TTN: variants seen among roughly 807,000 people sequenced by gnomAD.
TTN encodes the protein titin.
Under a neutral mutation model 3,223.0 loss-of-function variants are expected in TTN, and 1,525 were observed. The ratio of observed to expected loss-of-function variants is 0.47; its 90% CI spans 0.45 to 0.49. The LOEUF is 0.49. TTN is among the 20% of genes least tolerant of loss of function. TTN has a pLI of 0.00. For synonymous variants in TTN, 14,094 were observed against 15,161.0 expected, an observed-to-expected ratio of 0.93 and a Z score of 5.17; for missense variants, 40,786 against 43,424.0, an observed-to-expected ratio of 0.94 and a Z score of 5.40.
In TTN at chr2:178,531,100, G is replaced by T. The variant is rs749354699; in HGVS notation, c.105515C>A (p.Ser35172Tyr). 1 of 1,612,942 alleles carries T rather than the reference G, an allele frequency of 6.2e-7. No individual in the cohort carries two copies. Among genetic ancestry groups the T allele is most frequent in the Admixed American group, 1.7e-5 (1 of 60,016 alleles). Residue 35172 changes from serine to tyrosine, a missense_variant, in exon 358 of 363, where the codon TCT becomes TAT. By Grantham distance (144) the Ser-to-Tyr change is moderately radical (BLOSUM62 -2). Transcript: ENST00000589042. Reference protein sequence around the residue: ...WLRKGQVLSTSARHQVTTTKY... With the variant: ...WLRKGQVLSTYARHQVTTTKY... ...TGTGGTGGTCACTTGGTGGCGGGCAGAAGTACTTAGCACTTGTCCTTTACG... is the reference window on the plus strand; with the variant it reads ...TGTGGTGGTCACTTGGTGGCGGGCATAAGTACTTAGCACTTGTCCTTTACG...
At chr2:178,751,878 G>C in intron 47 of TTN, 2 of 1,605,578 alleles carry the variant, frequency 1.2e-6, no homozygotes, top group Non-Finnish European at 1.7e-6. Flanking sequence ...GTAAGTTTCT[G>C]GGTAAAAGAA....
At chr2:178,749,945 T>A (rs369713134) in intron 47 of TTN, 1 of 1,613,098 alleles carries the variant, frequency 6.2e-7, no homozygotes, top group East Asian at 2.2e-5. Context: ...ATTAGTAATA[T>A]CAGACAAAAA....
At position 178,686,113 on chromosome 2, in the gene TTN, A is replaced by ATTTTTTTTTTT. The variant is rs765570520; in HGVS notation, c.32312-526_32312-516dup. ...TTGAGCCTAAGTGTATACAGTTTTAATTTTTTTTTTTTTTTTTTTTTTTTT... is the reference window on the plus strand; with the variant it reads ...TTGAGCCTAAGTGTATACAGTTTTAATTTTTTTTTTTTTTTTTTTTTTTTTTTTTTTTTTTT... On this transcript the variant is annotated intron_variant, in intron 127 of 362. Coordinates refer to ENST00000589042, the MANE Select transcript of TTN (RefSeq NM_001267550.2). Among the ~76,000 whole-genome samples, 71 of 77,798 alleles carry ATTTTTTTTTTT rather than the reference A, an allele frequency of 9.1e-4. 10 individuals are homozygous for ATTTTTTTTTTT. Among genetic ancestry groups the ATTTTTTTTTTT allele is most frequent in the African/African-American group, 3.8e-3 (57 of 15,088 alleles). The allele number at this position is 77,798 out of a possible 152,430, so 51.0% of individuals were successfully genotyped here. A position where few individuals can be genotyped will look rare whatever the true frequency, so the allele number is the denominator to read the frequency against.
Position 178,704,180 on chromosome 2 carries a change from C to A in TTN, c.30190G>T (p.Asp10064Tyr). 1.2e-6 allele frequency: 2 copies of A among 1,613,962 alleles called. No homozygotes were observed. Among genetic ancestry groups the A allele is most frequent in the Non-Finnish European group, 1.7e-6 (2 of 1,179,874 alleles). ...DQGQYTCKYEDLETSAELRIE... is the reference protein window; with the variant it reads ...DQGQYTCKYEYLETSAELRIE... Reference sequence around the variant, plus strand: ...CTGAGTTCTGCTGAAGTTTCAAGGTCTTCATATTTGCAGGTGTACTGACCC... The same window carrying A: ...CTGAGTTCTGCTGAAGTTTCAAGGTATTCATATTTGCAGGTGTACTGACCC... The change falls in exon 106 of 363, where the codon GAC becomes TAC. Residue 10064 changes from aspartate to tyrosine, a missense_variant. By Grantham distance (160) the Asp-to-Tyr change is radical (BLOSUM62 -3). Coordinates refer to ENST00000589042, the MANE Select transcript of TTN (RefSeq NM_001267550.2).
Position 178,609,719 on chromosome 2 carries a change from C to G in TTN, c.51704G>C (p.Arg17235Pro). ...TACAGCTTTGGTTGGAGGAGTAGCC[C>G]GAGAAGGTTCACTAATACCCGCGGC... ...ENAAGISEPS[R>P]ATPPTKAVDP... Residue 17235 changes from arginine (R) to proline (P), a missense_variant, in exon 272 of 363, where the codon CGG (arginine) becomes CCG (proline). Coordinates refer to ENST00000589042, the MANE Select transcript of TTN (RefSeq NM_001267550.2). The G allele has an allele frequency of 5.0e-6, 8 of 1,607,018 alleles. No individual in the cohort carries two copies. Among genetic ancestry groups the G allele is most frequent in the Non-Finnish European group, 6.8e-6 (8 of 1,175,330 alleles).
chr2:178,746,468 A>G, intron 47 of TTN: 1 of 1,612,626 alleles, frequency 6.2e-7, no homozygotes, highest in Non-Finnish European at 8.5e-7. Flanking sequence ...AACTTCCAGG[A>G]CAATTTCTTG....
chr2:178,598,545 G>A lies in TTN; in HGVS notation c.57072C>T (p.Ile19024=), dbSNP rs751290837. 8 of 1,608,472 alleles carry A rather than the reference G, an allele frequency of 5.0e-6. No homozygotes were observed. Among genetic ancestry groups the A allele is most frequent in the South Asian group, 1.1e-5 (1 of 89,480 alleles). The change falls in exon 292 of 363, where the codon ATC becomes ATT. Residue 19024 remains isoleucine (I), a synonymous_variant. Transcript: ENST00000589042. ...CTTTTCCTTCTTCTTTATATTCAAC[G>A]ATGTATCCAGTTACTTTGGATCCAC... is the stretch of plus-strand genomic sequence containing the variant. ...KDGGSKVTGY[I]VEYKEEGKEE...
chr2:178,776,054 G>C lies in TTN; in HGVS notation c.5810C>G (p.Ser1937Cys), dbSNP rs747895202. ...TGGTTCAGGAGCTCTCCTAAGGACAGACCTAAAATCTTCCCTCTGTTGAAT... is the reference window on the plus strand; with the variant it reads ...TGGTTCAGGAGCTCTCCTAAGGACACACCTAAAATCTTCCCTCTGTTGAAT... ...LEIQQREDFRSVLRRAPEPRP... is the reference protein window; with the variant it reads ...LEIQQREDFRCVLRRAPEPRP... Residue 1937 changes from serine (S) to cysteine (C), a missense_variant, in exon 28 of 363, where the codon TCT becomes TGT. By Grantham distance (112) the Ser-to-Cys change is moderately radical. Coordinates refer to ENST00000589042, the MANE Select transcript of TTN (RefSeq NM_001267550.2). 26 of 1,614,040 alleles carry C rather than the reference G, an allele frequency of 1.6e-5. No homozygotes were observed. Among genetic ancestry groups the C allele is most frequent in the Middle Eastern group, 1.6e-4 (1 of 6,084 alleles).
rs537545841 is a variant in TTN at position 178,747,728 on chromosome 2, T to A, written c.11311+5396A>T. On this transcript the variant is annotated intron_variant, in intron 47 of 362. Transcript: ENST00000589042. ...TGCTGCCTCAGTGGTATGTGCCTCA[T>A]CTAATTTAGGAATATTTTGAGAAAA... 2.7e-5 allele frequency: 43 copies of A among 1,611,826 alleles called. No homozygotes were observed. In the East Asian group the frequency reaches 8.7e-4, roughly 33 times the overall value.
chr2:178,538,775 C>A lies in TTN; in HGVS notation c.99054G>T (p.Gln33018His), dbSNP rs1347129449. 6.2e-7 allele frequency: 1 copy of A among 1,613,696 alleles called. No homozygotes were observed. The highest frequency in any genetic ancestry group is 8.5e-7 in the Non-Finnish European group (1 of 1,179,714). ...LSISKDSVTL[Q>H]WEKPECDGGK... The stretch of plus-strand genomic sequence containing the variant: ...CACCATCACATTCAGGTTTCTCCCA[C>A]TGTAGAGTGACACTATCTTTGGATA... The change falls in exon 354 of 363, where the codon CAG becomes CAT. Residue 33018 changes from glutamine (Q) to histidine (H), a missense_variant. Transcript: ENST00000589042.
At position 178,546,227 on chromosome 2, in the gene TTN, T is replaced by G. The variant is rs370696758; in HGVS notation, c.95104A>C (p.Met31702Leu). The change falls in exon 342 of 363, where the codon ATG (methionine) becomes CTG (leucine). Residue 31702 changes from methionine (M) to leucine (L), a missense_variant. Transcript: ENST00000589042. ...ACATGCTTACCAAGCACTTTGACCATGACAGACACGGCCTTGGTCCCGCTG... is the reference window on the plus strand; with the variant it reads ...ACATGCTTACCAAGCACTTTGACCAGGACAGACACGGCCTTGGTCCCGCTG... ...NASGTKAVSV[M>L]VKVLDSPGPC... is the part of the protein sequence containing the mutation. 3 of 1,610,660 alleles carry G rather than the reference T, an allele frequency of 1.9e-6. No individual in the cohort carries two copies. The highest frequency in any genetic ancestry group is 2.5e-6 in the Non-Finnish European group (3 of 1,177,616).
chr2:178,712,446 T>C lies in TTN; in HGVS notation c.27476A>G (p.Asn9159Ser). 6.2e-7 allele frequency: 1 copy of C among 1,613,858 alleles called. No homozygotes were observed. The highest frequency in any genetic ancestry group is 8.5e-7 in the Non-Finnish European group (1 of 1,179,810). Residue 9159 changes from asparagine (N) to serine (S), a missense_variant, in exon 95 of 363, where the codon AAT (asparagine) becomes AGT (serine). Asn to Ser is a conservative substitution (Grantham distance 46). Coordinates refer to ENST00000589042, the MANE Select transcript of TTN (RefSeq NM_001267550.2). ...TGCCGATTTTTCAGTCGTAGTTATA[T>C]TACACCTCTGAGAAGGAGTTACATT... ...GINVTPSQRC[N>S]ITTTEKSAIL...
chr2:178,674,327 C>T lies in TTN; in HGVS notation c.34695G>A (p.Val11565=), dbSNP rs372341590. Residue 11565 remains valine, a synonymous_variant, in exon 151 of 363, where the codon GTG becomes GTA. Transcript: ENST00000589042. Reference sequence around the variant, plus strand: ...AAGCGGTTATACCTCTAGGTGGTGCCACCTCTTCAACTTCCTCTATGCTAG... The same window carrying T: ...AAGCGGTTATACCTCTAGGTGGTGCTACCTCTTCAACTTCCTCTATGCTAG... ...EPPSIEEVEE[V]APPRVPEVIK... The T allele has an allele frequency of 3.1e-6, 5 of 1,588,794 alleles. No individual in the cohort carries two copies. The highest frequency in any genetic ancestry group is 4.3e-6 in the Non-Finnish European group (5 of 1,164,918).
rs1473207810 is a variant in TTN, at chr2:178,802,155, G to A, written c.278C>T (p.Ala93Val). The part of the protein sequence containing the change: ...TNGSGQATST[A>V]ELLVKAETAP... ...CAGCCTACCTTTCACGAGAAGCTCA[G>A]CAGTACTAGTCGCTTGTCCAGATCC... is the stretch of plus-strand genomic sequence containing the variant. Residue 93 changes from alanine to valine, a missense_variant, in exon 3 of 363, where the codon GCT becomes GTT. Coordinates refer to ENST00000589042, the MANE Select transcript of TTN (RefSeq NM_001267550.2). 6.2e-7 allele frequency: 1 copy of A among 1,614,118 alleles called. No individual in the cohort carries two copies. The highest frequency in any genetic ancestry group is 2.2e-5 in the East Asian group (1 of 44,876).
chr2:178,673,229 T>C (rs2067322593), intron 152 of TTN, among the ~76,000 whole-genome samples: 1 of 151,790 alleles, frequency 6.6e-6, no homozygotes, highest in Non-Finnish European at 1.5e-5. Flanking sequence ...TGAGGCTCTT[T>C]AAAATAGTTA....
Position 178,750,431 on chromosome 2 carries a change from A to C in TTN, c.11311+2693T>G, listed in dbSNP as rs145904390. The C allele has an allele frequency of 2.1e-5, 34 of 1,612,276 alleles. No homozygotes were observed. In the African/African-American group the frequency reaches 4.5e-4, roughly 22 times the overall value. ...ATAGTTTTCCAACGAATGAATGATAAAGTTTTGATTACGTGGGATTGGCAT... is the reference window on the plus strand; with the variant it reads ...ATAGTTTTCCAACGAATGAATGATACAGTTTTGATTACGTGGGATTGGCAT... On this transcript the variant is annotated intron_variant, in intron 47 of 362. Transcript: ENST00000589042.
chr2:178,782,939 G>T lies in TTN; in HGVS notation c.2967C>A (p.Phe989Leu), dbSNP rs376548316. Residue 989 changes from phenylalanine to leucine, a missense_variant, in exon 18 of 363, where the codon TTC (phenylalanine) becomes TTA (leucine). By Grantham distance (22) the Phe-to-Leu change is conservative. Coordinates refer to ENST00000589042, the MANE Select transcript of TTN (RefSeq NM_001267550.2). Reference protein sequence around the residue: ...EDYQIESSIDFQITFQSGIAR... With the variant: ...EDYQIESSIDLQITFQSGIAR... Reference sequence around the variant, plus strand: ...CAATTCCACTCTGGAAGGTTATCTGGAAGTCAATGGAACTTTCGATTTGGT... The same window carrying T: ...CAATTCCACTCTGGAAGGTTATCTGTAAGTCAATGGAACTTTCGATTTGGT... 8.6e-5 allele frequency: 139 copies of T among 1,614,046 alleles called. 1 individual carries two copies. The highest frequency in any genetic ancestry group is 1.2e-4 in the Non-Finnish European group (138 of 1,180,016).
rs764499100 is a variant in TTN, at chr2:178,750,207, G to A, written c.11311+2917C>T. The A allele has an allele frequency of 2.5e-6, 4 of 1,613,094 alleles. No individual in the cohort carries two copies. In the South Asian group the frequency reaches 3.3e-5, roughly 13 times the overall value. On this transcript the variant is annotated intron_variant, in intron 47 of 362. Transcript: ENST00000589042. ...ATAGATGGATGGGCGCCTTTTGCTTGGTCAAACACCAATGCTAACTCTTCT... is the reference window on the plus strand; with the variant it reads ...ATAGATGGATGGGCGCCTTTTGCTTAGTCAAACACCAATGCTAACTCTTCT...
intron 326 of TTN, 140 bp downstream of exon 326, chr2:178,559,171 G>T: frequency 1.4e-6 from 1 of 699,788 alleles, no homozygotes; most frequent in African/African-American, 1.8e-5. Flanking sequence ...TCCATTTTGT[G>T]CCATAGTATG....
Sources: allele counts gnomAD v4.1 joint callset (sites outside exome capture counted in the v4.1 genomes callset), GRCh38; gene constraint gnomAD v4.1.1; transcripts MANE v1.5; gene names NCBI Gene and HGNC (gene_info 2026-07-23, HGNC 2026-07-21).